Variants in MYO7B observed in about 807,000 individuals in gnomAD.
The protein encoded by MYO7B is myosin VIIB.
Under a neutral mutation model 259.7 loss-of-function variants are expected in MYO7B, and 212 were observed. The ratio of observed to expected loss-of-function variants is 0.82; its 90% confidence interval spans 0.73 to 0.91. The LOEUF is 0.91. Ranked by LOEUF, MYO7B falls within the 40% of genes least tolerant of loss-of-function variation. MYO7B has a pLI of 0.00. For missense variants in MYO7B, 2,732 were observed against 2,813.5 expected (o/e 0.97, Z 0.66); for synonymous variants, 1,197 against 1,166.4 (o/e 1.03, Z -0.54).
Position 127,636,616 on chromosome 2 carries a change from C to T in MYO7B, c.6195C>T (p.His2065=), listed in dbSNP as rs750760457. The change falls in exon 46 of 48, where the codon CAC becomes CAT. Residue 2065 remains histidine, a synonymous_variant. Transcript: ENST00000409816. This position sits in a 1 kb window ranked among gnomAD's most constrained non-coding sequence, Gnocchi z 4.5. ...AINRHGVLLI[H]PKTKDLLTTY... is the part of the protein sequence containing the mutation. Reference sequence around the variant, plus strand: ...ACCGACATGGGGTTCTGCTCATCCACCCCAAGACCAAGGTAGCTGCTGGGC... The same window carrying T: ...ACCGACATGGGGTTCTGCTCATCCATCCCAAGACCAAGGTAGCTGCTGGGC... The T allele has an allele frequency of 6.2e-6, 10 of 1,612,472 alleles. No homozygotes were observed. The highest frequency in any genetic ancestry group is 8.5e-6 in the Non-Finnish European group (10 of 1,179,224).
chr2:127,635,201 C>A lies in MYO7B; in HGVS notation c.5795C>A (p.Ala1932Glu), dbSNP rs749918814. The A allele has an allele frequency of 1.9e-6, 3 of 1,613,354 alleles. No homozygotes were observed. In the East Asian group the frequency reaches 6.7e-5, roughly 36 times the overall value. ...ATATCTCCAGGGAAGGATGTGAATG[C>A]AGACACCATACTCCATTACCACCAG... The part of the protein sequence containing the change: ...LNISPGKDVN[A>E]DTILHYHQEL... Residue 1932 changes from alanine (A) to glutamate (E), a missense_variant, in exon 43 of 48, where the codon GCA becomes GAA. Physicochemically the swap from Ala to Glu is moderately radical, Grantham distance 107 (BLOSUM62 -1). Coordinates refer to ENST00000409816, the MANE Select transcript of MYO7B (RefSeq NM_001393586.1).
Position 127,635,124 on chromosome 2 carries a change from C to T in MYO7B, c.5718C>T (p.Ala1906=), listed in dbSNP as rs1314940828. The part of the protein sequence containing the change: ...VKKNKPQKEG[A]PVTLPYQVYF... ...CCACTGCTGGCCCTCGCCCAGGGGC[C>T]CCCGTGACGCTCCCCTACCAGGTGT... Residue 1906 remains alanine, a synonymous_variant, in exon 43 of 48, where the codon GCC becomes GCT. Transcript: ENST00000409816. The T allele has an allele frequency of 6.2e-7, 1 of 1,611,880 alleles. No homozygotes were observed. Among genetic ancestry groups the T allele is most frequent in the Non-Finnish European group, 8.5e-7 (1 of 1,179,170 alleles).
intron 1 of MYO7B, among the ~76,000 whole-genome samples, chr2:127,558,489 C>G (rs191584267): frequency 6.6e-6 from 1 of 152,338 alleles, no homozygotes; most frequent in Non-Finnish European, 1.5e-5. Flanking sequence ...AGCAATCCCA[C>G]TACTGGGTGT....
At chr2:127,593,469 G>C in intron 17 of MYO7B, 77 bp from the exon 18 acceptor site, 2 of 1,391,874 alleles carry the variant, frequency 1.4e-6, no homozygotes, top group Non-Finnish European at 2.0e-6. Context: ...GGGAGAAGGA[G>C]GGAGACACCA....
intron 2 of MYO7B, among the ~76,000 whole-genome samples, chr2:127,563,694 A>T (rs372815439): frequency 6.6e-6 from 1 of 152,082 alleles, no homozygotes; most frequent in East Asian, 1.9e-4. Context: ...AGCTGGGGCC[A>T]CCTTTTCAGC....
At chr2:127,543,151 G>A (rs1693076005) in intron 1 of MYO7B, among the ~76,000 whole-genome samples, 3 of 152,118 alleles carry the variant, frequency 2.0e-5, no homozygotes, top group South Asian at 2.1e-4. Context: ...GGGATGATCA[G>A]GTCTTTCCCT....
chr2:127,581,244 G>A (rs1197668172), intron 10 of MYO7B, among the ~76,000 whole-genome samples: 3 of 152,128 alleles, frequency 2.0e-5, no homozygotes, highest in South Asian at 2.1e-4. Flanking sequence ...GTGCCAGTGA[G>A]TCTGGGGCCC....
rs886120138 is a variant in MYO7B, at chr2:127,615,459, G to A, written c.3398+2856G>A. 3.9e-5 allele frequency among the ~76,000 whole-genome samples: 6 copies of A among 152,116 alleles called. No individual in the cohort carries two copies. Among genetic ancestry groups the A allele is most frequent in the African/African-American group, 7.2e-5 (3 of 41,430 alleles). ...TCCCTACTCCTAGTGAGCAAAGACA[G>A]CCCCCGCCCTGAGCTTCTTCAGCCC... On this transcript the variant is annotated intron_variant, in intron 26 of 47. Coordinates refer to ENST00000409816, the MANE Select transcript of MYO7B (RefSeq NM_001393586.1). This position sits in a 1 kb window ranked among gnomAD's most constrained non-coding sequence, Gnocchi z 4.4.
chr2:127,565,590 C>A (rs546341827), intron 4 of MYO7B, among the ~76,000 whole-genome samples: 1 of 152,246 alleles, frequency 6.6e-6, no homozygotes, highest in Non-Finnish European at 1.5e-5. Flanking sequence ...GAAGCCAATG[C>A]GTAGAGTGAC....
chr2:127,589,292 T>TGAGA (rs1679449170), intron 15 of MYO7B, among the ~76,000 whole-genome samples: 1 of 41,618 alleles, frequency 2.4e-5, no homozygotes, highest in Non-Finnish European at 4.6e-5. Flanking sequence ...GATGGGTGGG[T>TGAGA]GGGTGGATGG....
At chr2:127,617,724 G>A (rs1441769732) in intron 26 of MYO7B, among the ~76,000 whole-genome samples, 14 of 149,878 alleles carry the variant, frequency 9.3e-5, no homozygotes, top group Admixed American at 7.9e-4. Context: ...GGATGGTCTC[G>A]ATCTCCTGAC....
At chr2:127,626,904 C>G (rs1465794232) in intron 31 of MYO7B, 71 bp from the exon 32 acceptor site, 32 of 1,373,670 alleles carry the variant, frequency 2.3e-5, no homozygotes, top group Non-Finnish European at 2.9e-5. Flanking sequence ...AACTCTTTTA[C>G]CCTGAGCACT....
intron 19 of MYO7B, among the ~76,000 whole-genome samples, chr2:127,598,655 C>T (rs891843671): frequency 2.6e-5 from 4 of 152,144 alleles, no homozygotes; most frequent in Non-Finnish European, 5.9e-5. Context: ...GAACTCTTTT[C>T]GTCAAGATTT....
chr2:127,560,049 C>T (rs1678009861), intron 2 of MYO7B, among the ~76,000 whole-genome samples: 1 of 141,210 alleles, frequency 7.1e-6, no homozygotes, highest in South Asian at 2.2e-4. Flanking sequence ...TTTTTTCAGA[C>T]AGGGTCTCAC....
chr2:127,621,096 G>A (rs1188709427), intron 27 of MYO7B, among the ~76,000 whole-genome samples: 1 of 152,098 alleles, frequency 6.6e-6, no homozygotes, highest in Non-Finnish European at 1.5e-5. Flanking sequence ...GGTCACTGAA[G>A]CCATCTGCGC....
chr2:127,547,665 G>A (rs1693288773), intron 1 of MYO7B, among the ~76,000 whole-genome samples: 2 of 152,232 alleles, frequency 1.3e-5, no homozygotes, highest in South Asian at 2.1e-4. Flanking sequence ...GTGTGATGGA[G>A]GATGATTGTT....
rs776924200 is a variant in MYO7B at position 127,631,738 on chromosome 2, C to T, written c.5234C>T (p.Thr1745Met). 1.3e-4 allele frequency: 213 copies of T among 1,612,590 alleles called. 1 individual carries two copies. The highest frequency in any genetic ancestry group is 7.8e-4 in the East Asian group (35 of 44,882). The change falls in exon 38 of 48, where the codon ACG (threonine) becomes ATG (methionine). Residue 1745 changes from threonine to methionine, a missense_variant. Physicochemically the swap from Thr to Met is moderately conservative, Grantham distance 81. Transcript: ENST00000409816. Reference protein sequence around the residue: ...EVYCQILKQLTHNSNRHSEER... With the variant: ...EVYCQILKQLMHNSNRHSEER... ...TACTGCCAGATCCTGAAGCAGCTGA[C>T]GCACAACTCCAACAGGTCTGCTGGG...
At chr2:127,624,393 TG>T (rs1681003131) in intron 30 of MYO7B, 73 bp downstream of exon 30, 7 of 1,365,302 alleles carry the variant, frequency 5.1e-6, no homozygotes, top group African/African-American at 2.9e-5. Context: ...GGCACCCAAC[TG>T]GCTTCTGAGG....
Position 127,565,180 on chromosome 2 carries a change from T to C in MYO7B, c.133-53T>C, listed in dbSNP as rs888876247. On this transcript the variant is annotated intron_variant, in intron 3 of 47. Coordinates refer to ENST00000409816, the MANE Select transcript of MYO7B (RefSeq NM_001393586.1). ...ACTTGGAGGGGAGGGTGTGGCAGGC[T>C]GGCCATGGGGATGGAGGCCACCCCT... The C allele has an allele frequency of 8.3e-6, 13 of 1,575,692 alleles. No homozygotes were observed. In the Admixed American group the frequency reaches 2.1e-4, roughly 26 times the overall value.
Sources: allele counts gnomAD v4.1 joint callset (sites outside exome capture counted in the v4.1 genomes callset), GRCh38; gene constraint gnomAD v4.1.1; non-coding constraint Gnocchi (gnomAD v3.1); transcripts MANE v1.5; gene names NCBI Gene and HGNC (gene_info 2026-07-23, HGNC 2026-07-21).